The following CTDSP2 variants were observed in gnomAD, a reference collection of about 807,000 sequenced individuals.
The protein encoded by CTDSP2 is CTD small phosphatase 2.
Under a neutral mutation model 31.6 loss-of-function variants are expected in CTDSP2, and 9 were observed. That is an observed-to-expected ratio of 0.28 (90% CI 0.17 to 0.50). The LOEUF is 0.50. Ranked by LOEUF, CTDSP2 falls within the 20% of genes least tolerant of loss-of-function variation. CTDSP2 has a pLI of 0.98. For missense variants in CTDSP2, 267 were observed against 348.5 expected (o/e 0.77, Z 1.86); for synonymous variants, 134 against 134.5 (o/e 1.00, Z 0.03).
chr12:57,827,584 G>A lies in CTDSP2; in HGVS notation c.220C>T (p.Leu74=). 1 of 1,614,010 alleles carries A rather than the reference G, an allele frequency of 6.2e-7. No homozygotes were observed. Among genetic ancestry groups the A allele is most frequent in the East Asian group, 2.2e-5 (1 of 44,878 alleles). The change falls in exon 3 of 8, where the codon CTG becomes TTG. Residue 74 remains leucine, a synonymous_variant. Coordinates refer to ENST00000398073, the MANE Select transcript of CTDSP2 (RefSeq NM_005730.4). The part of the protein sequence containing the change: ...EEANTIAKSD[L]LQCLQYQFYQ... ...AACTGGTACTGGAGACACTGGAGCA[G>A]ATCCGACTGAGGAAGAGAAGGAGGT...
intron 2 of CTDSP2, among the ~76,000 whole-genome samples, chr12:57,829,082 G>A (rs932252736): frequency 6.6e-6 from 1 of 152,210 alleles, no homozygotes; most frequent in African/African-American, 2.4e-5. Context: ...CTCTTCAGGT[G>A]CTACATAAAC....
chr12:57,827,271 C>T, intron 3 of CTDSP2, 174 bp from the exon 4 acceptor site: 1 of 633,234 alleles, frequency 1.6e-6, no homozygotes, highest in Admixed American at 2.6e-5. Flanking sequence ...GTTTCAGCCT[C>T]CCAGTGGGAC....
intron 1 of CTDSP2, among the ~76,000 whole-genome samples, chr12:57,843,535 GAA>G (rs937091480): frequency 1.4e-5 from 2 of 143,286 alleles, no homozygotes; most frequent in Admixed American, 1.4e-4. Context: ...GCTAAAAAAA[GAA>G]AAAAAAAACC....
chr12:57,820,904 C>G lies in CTDSP2; in HGVS notation c.*2698G>C, dbSNP rs1017883905. The G allele has an allele frequency of 6.6e-6, 1 of 152,322 alleles. No homozygotes were observed. The highest frequency in any genetic ancestry group is 1.5e-5 in the Non-Finnish European group (1 of 68,054). The allele number at this position is 152,322 out of a possible 1,614,324, so 9.4% of individuals were successfully genotyped here. ...GAAGAGGCACCTTAAAAGAACTGAA[C>G]CTGGCAGGTAGGCAGATTCCTGGCA... is the stretch of plus-strand genomic sequence containing the variant. On this transcript the variant is annotated 3_prime_UTR_variant, in exon 8 of 8. Coordinates refer to ENST00000398073, the MANE Select transcript of CTDSP2 (RefSeq NM_005730.4).
chr12:57,834,643 G>C, intron 1 of CTDSP2, among the ~76,000 whole-genome samples: 1 of 152,300 alleles, frequency 6.6e-6, no homozygotes, highest in East Asian at 1.9e-4. Context: ...TGAAACTTGT[G>C]TCAAAGAGCC....
intron 5 of CTDSP2, among the ~76,000 whole-genome samples, chr12:57,825,176 T>G (rs1299426391): frequency 6.6e-6 from 1 of 152,090 alleles, no homozygotes; most frequent in Non-Finnish European, 1.5e-5. Flanking sequence ...TTTACCTGCA[T>G]TACTCCCGAG....
intron 1 of CTDSP2, among the ~76,000 whole-genome samples, chr12:57,834,007 G>A (rs774326500): frequency 5.2e-4 from 79 of 152,196 alleles, no homozygotes; most frequent in Admixed American, 9.2e-4. Context: ...CTGGCTCACG[G>A]TCATGCAGGT....
intron 3 of CTDSP2, 86 bp downstream of exon 3, chr12:57,827,466 G>T: frequency 6.9e-7 from 1 of 1,454,284 alleles, no homozygotes; most frequent in South Asian, 1.2e-5. Flanking sequence ...TAGGCACCAA[G>T]GACTATGCAC....
At chr12:57,824,776 G>A (rs1956172629) in intron 5 of CTDSP2, 11 of 470,402 alleles carry the variant, frequency 2.3e-5, no homozygotes, top group South Asian at 1.7e-4. Flanking sequence ...AGGGAGAAGT[G>A]ACTTTTTCCC....
rs567679377 is a variant in CTDSP2, at chr12:57,829,483, C to T, written c.178G>A (p.Ala60Thr). The change falls in exon 2 of 8, where the codon GCT (alanine) becomes ACT (threonine). Residue 60 changes from alanine (A) to threonine (T), a missense_variant. Physicochemically the swap from Ala to Thr is moderately conservative, Grantham distance 58. Transcript: ENST00000398073. ...GTGTTTGCTTCCTCCTTATACGCAGCGAGCTCAGTGGAGGAACTTGACTGG... is the reference window on the plus strand; with the variant it reads ...GTGTTTGCTTCCTCCTTATACGCAGTGAGCTCAGTGGAGGAACTTGACTGG... ...VGQSSSSTEL[A>T]AYKEEANTIA... The T allele has an allele frequency of 3.6e-5, 58 of 1,614,142 alleles. No homozygotes were observed. Among genetic ancestry groups the T allele is most frequent in the South Asian group, 8.8e-5 (8 of 91,076 alleles).
intron 1 of CTDSP2, among the ~76,000 whole-genome samples, chr12:57,836,019 T>C (rs151313660): frequency 3.7e-4 from 57 of 152,250 alleles, no homozygotes; most frequent in African/African-American, 1.3e-3. Flanking sequence ...TTTAATTAAT[T>C]ATCCAAGGGG....
chr12:57,838,896 C>T (rs951404077), intron 1 of CTDSP2, among the ~76,000 whole-genome samples: 1 of 152,216 alleles, frequency 6.6e-6, no homozygotes. Flanking sequence ...GTGCAAAGTA[C>T]TTTCATACTC....
In CTDSP2 at chr12:57,829,585, T is replaced by C. The variant is rs1161415481; in HGVS notation, c.76A>G (p.Lys26Glu). 3.1e-6 allele frequency: 5 copies of C among 1,614,016 alleles called. No individual in the cohort carries two copies. Among genetic ancestry groups the C allele is most frequent in the Admixed American group, 1.7e-5 (1 of 60,006 alleles). Residue 26 changes from lysine to glutamate, a missense_variant, in exon 2 of 8, where the codon AAG (lysine) becomes GAG (glutamate). Around this residue, in one of 2 missense-constraint regions of CTDSP2, gnomAD observed 111 missense variants for 107.1 expected, o/e 1.04. Transcript: ENST00000398073. Reference protein sequence around the residue: ...LVLTKQGLVSKSSPKKPRGRN... With the variant: ...LVLTKQGLVSESSPKKPRGRN... ...CCACGAGGCTTCTTAGGAGAGGACT[T>C]GGAGACCAGGCCTAGGGTGGAGAGA...
At chr12:57,837,685 T>C (rs1336413006) in intron 1 of CTDSP2, among the ~76,000 whole-genome samples, 2 of 152,000 alleles carry the variant, frequency 1.3e-5, no homozygotes, top group Non-Finnish European at 2.9e-5. Flanking sequence ...AGCAAAACTC[T>C]GTCTCAAAAT....
At chr12:57,845,914 T>TG (rs974561087) in intron 1 of CTDSP2, among the ~76,000 whole-genome samples, 22 of 152,104 alleles carry the variant, frequency 1.4e-4, no homozygotes, top group Non-Finnish European at 2.8e-4. Flanking sequence ...ACCTCGGGCT[T>TG]GGGGGGGCCT....
At chr12:57,828,421 CAAAA>C (rs1189073935) in intron 2 of CTDSP2, among the ~76,000 whole-genome samples, 1 of 63,178 alleles carries the variant, frequency 1.6e-5, no homozygotes, top group Admixed American at 1.8e-4. Context: ...AACTCCATCT[CAAAA>C]AAAAAAAAAA....
intron 1 of CTDSP2, among the ~76,000 whole-genome samples, chr12:57,838,930 T>C (rs1374974104): frequency 6.6e-6 from 1 of 152,200 alleles, no homozygotes; most frequent in Non-Finnish European, 1.5e-5. Context: ...CATCTCAAAA[T>C]GTTCACATTA....
chr12:57,838,748 G>A (rs1385300572), intron 1 of CTDSP2, among the ~76,000 whole-genome samples: 2 of 152,222 alleles, frequency 1.3e-5, no homozygotes, highest in Non-Finnish European at 2.9e-5. Flanking sequence ...CCATGTGTAA[G>A]GTATGCAGCC....
intron 7 of CTDSP2, 50 bp from the exon 8 acceptor site, chr12:57,823,777 C>T (rs1177739977): frequency 6.2e-7 from 1 of 1,612,304 alleles, no homozygotes; most frequent in East Asian, 2.2e-5. Flanking sequence ...GCTTCCCCCT[C>T]CCTCGCCCCA....
Sources: gnomAD v4.1 joint callset for allele counts (sites outside exome capture counted in the v4.1 genomes callset) on GRCh38, gnomAD v4.1.1 for gene constraint, gnomAD v4.1.1 regional missense constraint, MANE v1.5 for transcripts, NCBI Gene and HGNC (gene_info 2026-07-23, HGNC 2026-07-21) for gene names.